GRID2: variants seen among roughly 807,000 people sequenced by gnomAD.
The protein encoded by GRID2 is glutamate ionotropic receptor delta type subunit 2.
GRID2 carries 33 observed loss-of-function variants against 114.8 expected under a neutral mutation model. That is an observed-to-expected ratio of 0.29 (90% CI 0.22 to 0.38). The LOEUF (loss-of-function observed/expected upper bound fraction) is 0.38, where lower values mean the gene tolerates loss of function less well. GRID2 is among the 10% of genes least tolerant of loss of function. The probability of loss-of-function intolerance (pLI) is 1.00; values close to 1 mark genes in which losing one functional copy is unlikely to be tolerated. For missense variants in GRID2, 1,184 were observed against 1,257.7 expected, an observed-to-expected ratio of 0.94 and a Z score of 0.89; for synonymous variants, 505 against 449.9, an observed-to-expected ratio of 1.12 and a Z score of -1.55.
chr4:93,729,808 C>T (rs1368413535), intron 14 of GRID2, among the ~76,000 whole-genome samples: 1 of 152,126 alleles, frequency 6.6e-6, no homozygotes, highest in African/African-American at 2.4e-5. Flanking sequence ...AAGTTAGGAG[C>T]TTCTTTTGTA....
chr4:92,712,777 ATTTCT>A (rs1423399186), intron 2 of GRID2, among the ~76,000 whole-genome samples: 1 of 152,104 alleles, frequency 6.6e-6, no homozygotes, highest in Non-Finnish European at 1.5e-5. Context: ...TGTGTTACAC[ATTTCT>A]TTAGGTAAAT....
chr4:93,345,461 A>G (rs1225142144), intron 8 of GRID2, among the ~76,000 whole-genome samples: 1 of 152,042 alleles, frequency 6.6e-6, no homozygotes, highest in African/African-American at 2.4e-5. Flanking sequence ...AGAAATGTAT[A>G]TTCAGGTCAT....
At chr4:93,390,017 G>A (rs1764700804) in intron 8 of GRID2, among the ~76,000 whole-genome samples, 2 of 152,258 alleles carry the variant, frequency 1.3e-5, no homozygotes, top group South Asian at 4.1e-4. Context: ...TTGAACTCCT[G>A]ACCTTAGGTG....
chr4:93,683,668 A>G (rs1725808457), intron 14 of GRID2, among the ~76,000 whole-genome samples: 1 of 152,110 alleles, frequency 6.6e-6, no homozygotes, highest in Non-Finnish European at 1.5e-5. Context: ...ATTTATAAAT[A>G]ATAGTTTTGT....
chr4:92,328,051 C>T (rs549827061), intron 1 of GRID2, among the ~76,000 whole-genome samples: 8 of 151,980 alleles, frequency 5.3e-5, no homozygotes, highest in Admixed American at 3.3e-4. Context: ...GTGATAAATG[C>T]TCATTCATTT....
chr4:92,381,060 C>T lies in GRID2; in HGVS notation c.88+76316C>T, dbSNP rs1729597921. The stretch of plus-strand genomic sequence containing the variant: ...CTGTTAGTGTCTCTAATGTGTCATG[C>T]AATCTTAAGCCTCTTTGAAATATAG... On this transcript the variant is annotated intron_variant, in intron 1 of 15. Coordinates refer to ENST00000282020, the MANE Select transcript of GRID2 (RefSeq NM_001510.4). Among the ~76,000 whole-genome samples, 2 of 151,954 alleles carry T rather than the reference C, an allele frequency of 1.3e-5. 1 individual carries two copies. Among genetic ancestry groups the T allele is most frequent in the Admixed American group, 1.3e-4 (2 of 15,206 alleles).
At chr4:93,339,237 T>G (rs1759394060) in intron 8 of GRID2, among the ~76,000 whole-genome samples, 1 of 152,218 alleles carries the variant, frequency 6.6e-6, no homozygotes, top group Admixed American at 6.5e-5. Flanking sequence ...TCCTAACAAC[T>G]GGTATTTCAA....
chr4:93,582,708 G>T (rs1737102263), intron 13 of GRID2, among the ~76,000 whole-genome samples: 1 of 151,208 alleles, frequency 6.6e-6, no homozygotes, highest in African/African-American at 2.4e-5. Context: ...ATGTATTTGT[G>T]TTTTTTTTAA....
At chr4:92,440,952 A>G (rs1380703156) in intron 1 of GRID2, among the ~76,000 whole-genome samples, 1 of 152,040 alleles carries the variant, frequency 6.6e-6, no homozygotes, top group Non-Finnish European at 1.5e-5. Context: ...TATGAGGAAG[A>G]AAATAGATTT....
intron 14 of GRID2, among the ~76,000 whole-genome samples, chr4:93,644,940 C>T (rs1721973851): frequency 6.6e-6 from 1 of 151,934 alleles, no homozygotes; most frequent in South Asian, 2.1e-4. Flanking sequence ...ACATAGGAGG[C>T]CATGCTGTAT....
rs565956398 is a variant in GRID2, at chr4:93,629,654, A to G, written c.2360+3219A>G. On this transcript the variant is annotated intron_variant, in intron 14 of 15. Coordinates refer to ENST00000282020, the MANE Select transcript of GRID2 (RefSeq NM_001510.4). ...GATATTACATATTACTATTGTGATT[A>G]TTTTCACTGAAAATATAGTATACTA... Among the ~76,000 whole-genome samples the G allele has an allele frequency of 2.2e-4, 33 of 152,260 alleles. 3 individuals are homozygous for G. In the South Asian group the frequency reaches 6.8e-3, roughly 32 times the overall value.
intron 8 of GRID2, among the ~76,000 whole-genome samples, chr4:93,388,318 G>A (rs1560569315): frequency 6.6e-6 from 1 of 152,090 alleles, no homozygotes; most frequent in Non-Finnish European, 1.5e-5. Context: ...GCTCTACTTT[G>A]GAATCATCTT....
chr4:92,420,730 G>A (rs1460911480), intron 1 of GRID2, among the ~76,000 whole-genome samples: 1 of 152,178 alleles, frequency 6.6e-6, no homozygotes, highest in Admixed American at 6.5e-5. Context: ...TGTAGCCCAG[G>A]CTGGAGTGTA....
intron 2 of GRID2, among the ~76,000 whole-genome samples, chr4:93,030,045 A>G (rs1245211432): frequency 6.6e-6 from 1 of 152,186 alleles, no homozygotes; most frequent in Non-Finnish European, 1.5e-5. Context: ...AACACAAACT[A>G]GAAAGCCATT....
intron 13 of GRID2, among the ~76,000 whole-genome samples, chr4:93,584,428 T>C (rs1169810906): frequency 1.3e-5 from 2 of 152,112 alleles, no homozygotes; most frequent in Non-Finnish European, 2.9e-5. Flanking sequence ...AGTAGAGCTT[T>C]TGAAAAAAAT....
intron 2 of GRID2, among the ~76,000 whole-genome samples, chr4:92,790,741 A>AT (rs200361421): frequency 6.6e-6 from 1 of 151,096 alleles, no homozygotes; most frequent in Non-Finnish European, 1.5e-5. Context: ...AAAAAAAAAA[A>AT]GTGTTTTTAA....
chr4:93,397,852 T>A (rs1431540550), intron 9 of GRID2, among the ~76,000 whole-genome samples: 1 of 151,938 alleles, frequency 6.6e-6, no homozygotes, highest in Non-Finnish European at 1.5e-5. Context: ...ATGTAAGTAG[T>A]GGCTCTACCG....
intron 13 of GRID2, among the ~76,000 whole-genome samples, chr4:93,516,959 C>A (rs951122466): frequency 2.6e-5 from 4 of 152,024 alleles, no homozygotes; most frequent in African/African-American, 9.7e-5. Context: ...AGAGAAATTT[C>A]ATTTTATTTT....
intron 3 of GRID2, among the ~76,000 whole-genome samples, chr4:93,086,491 G>A (rs909643633): frequency 2.0e-5 from 3 of 152,154 alleles, no homozygotes; most frequent in Non-Finnish European, 4.4e-5. Flanking sequence ...GGGAGAGCAA[G>A]TGGCAGTTAC....
Sources: allele counts gnomAD v4.1 joint callset (sites outside exome capture counted in the v4.1 genomes callset), GRCh38; gene constraint gnomAD v4.1.1; transcripts MANE v1.5; gene names NCBI Gene and HGNC (gene_info 2026-07-23, HGNC 2026-07-21).